PNLDC1: variants seen among roughly 807,000 people sequenced by gnomAD.
The protein encoded by PNLDC1 is PARN like ribonuclease domain containing exonuclease 1.
A neutral mutation model predicts 82.0 loss-of-function variants in PNLDC1; 70 were observed. The ratio of observed to expected loss-of-function variants is 0.85; its 90% CI spans 0.70 to 1.04. The LOEUF is 1.04. PNLDC1 is among the 50% of genes least tolerant of loss of function. The pLI is 0.00. For synonymous variants in PNLDC1, 280 were observed against 249.3 expected, an observed-to-expected ratio of 1.12 and a Z score of -1.16; for missense variants, 631 against 661.1, an observed-to-expected ratio of 0.95 and a Z score of 0.50.
chr6:159,805,258 C>T (rs1035702784), intron 6 of PNLDC1, among the ~76,000 whole-genome samples: 12 of 152,276 alleles, frequency 7.9e-5, no homozygotes, highest in South Asian at 2.1e-4. Flanking sequence ...TGTGGGTAGA[C>T]GGACCGGGGG....
At chr6:159,818,751 G>T (rs985150343) in intron 16 of PNLDC1, 97 bp downstream of exon 16, 27 of 1,311,940 alleles carry the variant, frequency 2.1e-5, no homozygotes, top group Non-Finnish European at 2.9e-5. Flanking sequence ...GAGGGATTTC[G>T]GTGGTCGGTG....
At chr6:159,809,808 C>T (rs552900610) in intron 9 of PNLDC1, among the ~76,000 whole-genome samples, 2 of 152,298 alleles carry the variant, frequency 1.3e-5, no homozygotes, top group Non-Finnish European at 2.9e-5. Flanking sequence ...CCCTGCCTTA[C>T]GTGCCTCCTA....
chr6:159,803,318 T>G lies in PNLDC1; in HGVS notation c.248+8T>G, dbSNP rs1244202429. ...TGAAGGAGAGGCAAACAAGTATGTA[T>G]CAAGAGCTTCTGCAAACATAGGTGC... On this transcript the variant is annotated splice_region_variant and intron_variant, in intron 4 of 18. Coordinates refer to ENST00000392167, the MANE Select transcript of PNLDC1 (RefSeq NM_001271862.2). 1 of 1,612,074 alleles carries G rather than the reference T, an allele frequency of 6.2e-7. No homozygotes were observed. Among genetic ancestry groups the G allele is most frequent in the South Asian group, 1.1e-5 (1 of 91,006 alleles).
intron 16 of PNLDC1, 55 bp from the exon 17 acceptor site, chr6:159,818,891 G>A (rs774674063): frequency 1.3e-6 from 2 of 1,574,718 alleles, no homozygotes; most frequent in Middle Eastern, 1.7e-4. Context: ...CTTCAGACTG[G>A]ATAAGAAGTC....
chr6:159,815,831 C>T (rs1781794306), intron 12 of PNLDC1, 138 bp from the exon 13 acceptor site: 1 of 642,702 alleles, frequency 1.6e-6, no homozygotes, highest in Non-Finnish European at 2.7e-6. Flanking sequence ...TCTTACCTGT[C>T]CATGCTTAGA....
At chr6:159,800,707 TAC>T in intron 1 of PNLDC1, 63 bp from the exon 2 acceptor site, 1 of 1,614,186 alleles carries the variant, frequency 6.2e-7, no homozygotes, top group Non-Finnish European at 8.5e-7. Flanking sequence ...CCTGCAGATC[TAC>T]AGTGTGAGGA....
intron 3 of PNLDC1, among the ~76,000 whole-genome samples, chr6:159,803,054 C>G (rs1479731263): frequency 6.6e-6 from 1 of 152,098 alleles, no homozygotes; most frequent in Non-Finnish European, 1.5e-5. Context: ...GAAGAACAGG[C>G]CACAATTAGA....
intron 15 of PNLDC1, among the ~76,000 whole-genome samples, chr6:159,817,572 C>T (rs538318629): frequency 1.3e-5 from 2 of 152,322 alleles, no homozygotes; most frequent in Non-Finnish European, 2.9e-5. Flanking sequence ...TTGTTGGGGG[C>T]ACATAGGCTA....
chr6:159,812,029 A>G (rs1289737476), intron 11 of PNLDC1, among the ~76,000 whole-genome samples: 1 of 152,110 alleles, frequency 6.6e-6, no homozygotes, highest in Non-Finnish European at 1.5e-5. Context: ...CCTCCTGAGT[A>G]GCTGGGATTA....
Position 159,819,008 on chromosome 6 carries a change from G to A in PNLDC1, c.1320G>A (p.Arg440=). ...RPPILILSVK[R]WPGVSEQQVY... ...CCATCCTCATCCTCAGCGTCAAAAGGTGGCCTGGGGTCAGCGAGCAGCAAG... is the reference window on the plus strand; with the variant it reads ...CCATCCTCATCCTCAGCGTCAAAAGATGGCCTGGGGTCAGCGAGCAGCAAG... Residue 440 remains arginine (R), a synonymous_variant, in exon 17 of 19, where the codon AGG becomes AGA. Transcript: ENST00000392167. This position sits in a 1 kb window ranked among gnomAD's most constrained non-coding sequence, Gnocchi z 4.6. 6.2e-7 allele frequency: 1 copy of A among 1,614,054 alleles called. No individual in the cohort carries two copies. Among genetic ancestry groups the A allele is most frequent in the Non-Finnish European group, 8.5e-7 (1 of 1,180,024 alleles).
chr6:159,820,650 T>C lies in PNLDC1; in HGVS notation c.*133T>C. ...CTTTTCTAGAAATTCTGTTATGTCC[T>C]GAACGTGAAATTCTGTCAACACTCT... is the stretch of plus-strand genomic sequence containing the variant. On this transcript the variant is annotated 3_prime_UTR_variant, in exon 19 of 19. Coordinates refer to ENST00000392167, the MANE Select transcript of PNLDC1 (RefSeq NM_001271862.2). 1.2e-6 allele frequency: 1 copy of C among 819,648 alleles called. No individual in the cohort carries two copies. 50.8% of individuals were successfully genotyped at this position (819,648 alleles called of 1,614,324 possible). A position where few individuals can be genotyped will look rare whatever the true frequency, so the allele number is the denominator to read the frequency against.
intron 7 of PNLDC1, among the ~76,000 whole-genome samples, chr6:159,807,388 T>C (rs576783896): frequency 1.7e-4 from 22 of 127,088 alleles, no homozygotes; most frequent in Admixed American, 9.5e-4. Flanking sequence ...AATGAGACTC[T>C]GTTTCAAAGG....
intron 6 of PNLDC1, chr6:159,805,780 G>A (rs777352124): frequency 2.8e-5 from 16 of 561,712 alleles, no homozygotes; most frequent in South Asian, 8.0e-5. Context: ...GGATCCTATG[G>A]AAGGTTGTGG....
intron 11 of PNLDC1, among the ~76,000 whole-genome samples, chr6:159,813,338 T>TGAACA (rs894005723): frequency 3.4e-4 from 52 of 152,328 alleles, no homozygotes; most frequent in Admixed American, 2.3e-3. Flanking sequence ...GGTAATCTGT[T>TGAACA]GAACACATTT....
rs182886220 is a variant in PNLDC1 at position 159,819,434 on chromosome 6, G to A, written c.1532+82G>A. The stretch of plus-strand genomic sequence containing the variant: ...CCAGCATCCCAGCATGGTCTGACTC[G>A]AGCACAGCTCACTTGCTGGTGTGTG... On this transcript the variant is annotated intron_variant, in intron 18 of 18. Coordinates refer to ENST00000392167, the MANE Select transcript of PNLDC1 (RefSeq NM_001271862.2). This position sits in a 1 kb window ranked among gnomAD's most constrained non-coding sequence, Gnocchi z 4.6. 2.7e-4 allele frequency: 337 copies of A among 1,231,610 alleles called. 3 individuals carry two copies. Among genetic ancestry groups the A allele is most frequent in the South Asian group, 1.1e-3 (86 of 75,170 alleles). 76.3% of individuals were successfully genotyped at this position (1,231,610 alleles called of 1,614,324 possible).
At chr6:159,801,493 C>T (rs1163211117) in intron 3 of PNLDC1, among the ~76,000 whole-genome samples, 1 of 152,186 alleles carries the variant, frequency 6.6e-6, no homozygotes, top group African/African-American at 2.4e-5. Flanking sequence ...GTCACCAAGA[C>T]TGGAGTGCAG....
chr6:159,810,102 GC>G lies in PNLDC1; in HGVS notation c.853+8del. On this transcript the variant is annotated splice_region_variant and intron_variant, in intron 10 of 18. Coordinates refer to ENST00000392167, the MANE Select transcript of PNLDC1 (RefSeq NM_001271862.2). ...TTCTTCAGACCCCTCCCAGGTAGGG[GC>G]AAACCTGTCATTTCTCTTCCTTCAC... 6.2e-7 allele frequency: 1 copy of G among 1,611,708 alleles called. No individual in the cohort carries two copies. The highest frequency in any genetic ancestry group is 8.5e-7 in the Non-Finnish European group (1 of 1,177,834).
chr6:159,817,968 C>A (rs376036790), intron 15 of PNLDC1, among the ~76,000 whole-genome samples: 1 of 152,224 alleles, frequency 6.6e-6, no homozygotes, highest in Non-Finnish European at 1.5e-5. Context: ...GTTAAAGGGC[C>A]CCCTGGTAAG....
intron 7 of PNLDC1, 25 bp downstream of exon 7, chr6:159,806,108 C>A: frequency 6.4e-7 from 1 of 1,550,624 alleles, no homozygotes; most frequent in African/African-American, 1.4e-5. Flanking sequence ...TTCCTCCCAA[C>A]GCAGGAGCAT....
Sources: allele counts gnomAD v4.1 joint callset (sites outside exome capture counted in the v4.1 genomes callset), GRCh38; gene constraint gnomAD v4.1.1; non-coding constraint Gnocchi (gnomAD v3.1); transcripts MANE v1.5; gene names NCBI Gene and HGNC (gene_info 2026-07-23, HGNC 2026-07-21).